The following RAB27B variants were observed in gnomAD, a reference collection of about 807,000 sequenced individuals.
RAB27B encodes the protein RAB27B, member RAS oncogene family, also known as ras-related protein Rab-27B.
In RAB27B, 15 loss-of-function variants were observed where a neutral mutation model predicts 24.6. The ratio of observed to expected loss-of-function variants is 0.61; its 90% CI spans 0.41 to 0.94. RAB27B has a LOEUF of 0.94. Ranked by LOEUF, RAB27B falls within the 40% of genes least tolerant of loss-of-function variation. The probability of loss-of-function intolerance (pLI) is 0.00; values close to 1 mark genes in which losing one functional copy is unlikely to be tolerated. For synonymous variants in RAB27B, 105 were observed against 92.5 expected, an observed-to-expected ratio of 1.14 and a Z score of -0.78; for missense variants, 261 against 266.8, an observed-to-expected ratio of 0.98 and a Z score of 0.15.
At chr18:54,796,466 G>A (rs1188266347) in intron 2 of RAB27B, among the ~76,000 whole-genome samples, 2 of 152,144 alleles carry the variant, frequency 1.3e-5, no homozygotes, top group East Asian at 3.9e-4. Context: ...AGCTTTTATT[G>A]AGTGATGGAG....
chr18:54,774,144 C>A (rs1037152670), intron 2 of RAB27B, among the ~76,000 whole-genome samples: 1 of 152,186 alleles, frequency 6.6e-6, no homozygotes, highest in Non-Finnish European at 1.5e-5. Context: ...GTACTCTCAA[C>A]CAGCATTCTA....
At chr18:54,762,739 G>C (rs1030449016) in intron 2 of RAB27B, among the ~76,000 whole-genome samples, 1 of 151,932 alleles carries the variant, frequency 6.6e-6, no homozygotes, top group African/African-American at 2.4e-5. Flanking sequence ...CCAACACACC[G>C]GGCCCCACTC....
At chr18:54,844,409 T>TTTC (rs1491311180) in intron 1 of RAB27B, among the ~76,000 whole-genome samples, 12 of 8,396 alleles carry the variant, frequency 1.4e-3, no homozygotes, top group African/African-American at 2.0e-3. Flanking sequence ...TTTTCTTTTC[T>TTTC]TTTTTTTTTT....
At chr18:54,739,715 A>G (rs1188792855) in intron 2 of RAB27B, among the ~76,000 whole-genome samples, 5 of 152,158 alleles carry the variant, frequency 3.3e-5, no homozygotes, top group African/African-American at 1.2e-4. Context: ...ATTTTATTCC[A>G]AAGTGATTGT....
chr18:54,773,989 C>T (rs7233919), intron 2 of RAB27B, among the ~76,000 whole-genome samples: 70,211 of 152,030 alleles, frequency 0.46, 17,703 homozygotes, highest in Middle Eastern at 0.58. Flanking sequence ...AGACAATCTA[C>T]TTTCTACCAC....
chr18:54,793,153 T>C (rs981629364), intron 2 of RAB27B, among the ~76,000 whole-genome samples: 5 of 152,112 alleles, frequency 3.3e-5, no homozygotes, highest in South Asian at 2.1e-4. Context: ...GATATTATTA[T>C]GTGAAAATTG....
At chr18:54,801,581 C>T (rs1280272809) in intron 2 of RAB27B, among the ~76,000 whole-genome samples, 1 of 152,122 alleles carries the variant, frequency 6.6e-6, no homozygotes, top group Admixed American at 6.5e-5. Context: ...CAGGTTCAGG[C>T]ATGTTGACAT....
chr18:54,814,411 T>C (rs1211130141), intron 2 of RAB27B, among the ~76,000 whole-genome samples: 1 of 152,204 alleles, frequency 6.6e-6, no homozygotes, highest in Non-Finnish European at 1.5e-5. Context: ...TAGGGTCGAA[T>C]GGAGGAGGGA....
intron 2 of RAB27B, among the ~76,000 whole-genome samples, chr18:54,763,397 G>C (rs1240743309): frequency 6.6e-6 from 1 of 152,052 alleles, no homozygotes; most frequent in Non-Finnish European, 1.5e-5. Context: ...AATTGCTATA[G>C]AGCCCAGGGA....
intron 2 of RAB27B, among the ~76,000 whole-genome samples, chr18:54,803,195 G>A (rs762249865): frequency 6.6e-6 from 1 of 152,218 alleles, no homozygotes; most frequent in Non-Finnish European, 1.5e-5. Context: ...ATAGCAGATA[G>A]AGAAGTACAG....
At chr18:54,817,097 G>A (rs549627908) in intron 2 of RAB27B, among the ~76,000 whole-genome samples, 1 of 152,186 alleles carries the variant, frequency 6.6e-6, no homozygotes, top group African/African-American at 2.4e-5. Context: ...GAAATTTAAA[G>A]CAAGAGATTC....
At chr18:54,870,858 C>G (rs1414852289) in intron 1 of RAB27B, among the ~76,000 whole-genome samples, 1 of 152,040 alleles carries the variant, frequency 6.6e-6, no homozygotes, top group Admixed American at 6.6e-5. Flanking sequence ...TCAAAATAAT[C>G]TGGTAGGTGG....
intron 1 of RAB27B, among the ~76,000 whole-genome samples, chr18:54,835,045 A>G (rs1225435208): frequency 6.6e-6 from 1 of 152,002 alleles, no homozygotes; most frequent in African/African-American, 2.4e-5. Context: ...TGAGAAGTTC[A>G]TTAAATGAAT....
chr18:54,815,286 G>A (rs191650590), intron 2 of RAB27B, among the ~76,000 whole-genome samples: 1 of 152,294 alleles, frequency 6.6e-6, no homozygotes, highest in South Asian at 2.1e-4. Flanking sequence ...AGAAGGCTTA[G>A]AACAACTTGC....
chr18:54,817,055 C>T (rs1339419948), intron 2 of RAB27B, among the ~76,000 whole-genome samples: 1 of 152,060 alleles, frequency 6.6e-6, no homozygotes, highest in Admixed American at 6.5e-5. Context: ...TAACGTTTTA[C>T]ATCTCAATTT....
intron 1 of RAB27B, among the ~76,000 whole-genome samples, chr18:54,867,445 T>TC (rs202079143): frequency 6.5e-5 from 8 of 122,492 alleles, no homozygotes; most frequent in South Asian, 2.6e-4. Flanking sequence ...TTCTTTTCTT[T>TC]TTTTTTTTTT....
chr18:54,790,333 T>C (rs939716498), intron 2 of RAB27B, among the ~76,000 whole-genome samples: 1 of 152,124 alleles, frequency 6.6e-6, no homozygotes, highest in Non-Finnish European at 1.5e-5. Flanking sequence ...CATCAAAACA[T>C]TTTTCAAAAT....
chr18:54,873,685 C>CTGTGTGTGTGTGTG (rs56409312), intron 1 of RAB27B, among the ~76,000 whole-genome samples: 17 of 140,844 alleles, frequency 1.2e-4, no homozygotes, highest in Non-Finnish European at 2.0e-4. Context: ...GAGCCAAATC[C>CTGTGTGTGTGTGTG]TGTGTGTGTG....
chr18:54,742,638 C>A (rs1256842858), intron 2 of RAB27B, among the ~76,000 whole-genome samples: 1 of 152,086 alleles, frequency 6.6e-6, no homozygotes, highest in African/African-American at 2.4e-5. Context: ...GAACAAGTGC[C>A]CTGAAGACAG....
Sources: gnomAD v4.1 joint callset for allele counts (sites outside exome capture counted in the v4.1 genomes callset) on GRCh38, gnomAD v4.1.1 for gene constraint, MANE v1.5 for transcripts, NCBI Gene and HGNC (gene_info 2026-07-23, HGNC 2026-07-21) for gene names.